ETV4: variants seen among roughly 807,000 people sequenced by gnomAD.
ETV4 encodes ETS variant transcription factor 4.
A neutral mutation model predicts 65.9 loss-of-function variants in ETV4; 42 were observed. The ratio of observed to expected loss-of-function variants is 0.64; its 90% CI spans 0.50 to 0.82. The LOEUF (loss-of-function observed/expected upper bound fraction) is 0.82, where lower values mean the gene tolerates loss of function less well. ETV4 is among the 40% of genes least tolerant of loss of function. The pLI is 0.00. For missense variants in ETV4, 583 were observed against 630.3 expected (o/e 0.92, Z 0.80); for synonymous variants, 238 against 260.0 (o/e 0.92, Z 0.81).
chr17:43,530,448 C>T, intron 8 of ETV4: 1 of 1,358,386 alleles, frequency 7.4e-7, no homozygotes, highest in African/African-American at 1.5e-5. Flanking sequence ...TTCTGAAGGG[C>T]CCAAGCTGCC....
chr17:43,545,304 G>A lies in ETV4; in HGVS notation c.124C>T (p.Pro42Ser). 5.6e-6 allele frequency: 9 copies of A among 1,609,394 alleles called. No individual in the cohort carries two copies. The highest frequency in any genetic ancestry group is 7.6e-6 in the Non-Finnish European group (9 of 1,177,920). Residue 42 changes from proline to serine, a missense_variant, in exon 3 of 13, where the codon CCG (proline) becomes TCG (serine). Physicochemically the swap from Pro to Ser is moderately conservative, Grantham distance 74. Transcript: ENST00000319349. ...LIGPLGKLMDPGSLPPLDSED... is the reference protein window; with the variant it reads ...LIGPLGKLMDSGSLPPLDSED... ...GAGTCGAGGGGCGGCAGGGAGCCCG[G>A]GTCCATGAGCTTCCCCAGCGGGCCG...
In ETV4 at chr17:43,529,312, C is replaced by G; in HGVS notation, c.1129-76G>C. The stretch of plus-strand genomic sequence containing the variant: ...AATGGGGGTAAGGTCAGAAAGAGCA[C>G]TTGAGATTCTTGGTGCAAAGTGCCA... On this transcript the variant is annotated intron_variant, in intron 11 of 12. Transcript: ENST00000319349. 3 of 1,480,064 alleles carry G rather than the reference C, an allele frequency of 2.0e-6. No individual in the cohort carries two copies. In the Admixed American group the frequency reaches 5.1e-5, roughly 25 times the overall value. 91.7% of individuals were successfully genotyped at this position (1,480,064 alleles called of 1,614,324 possible).
chr17:43,536,982 CAG>C (rs1971276100), intron 4 of ETV4, among the ~76,000 whole-genome samples: 2 of 152,330 alleles, frequency 1.3e-5, no homozygotes, highest in Non-Finnish European at 2.9e-5. Flanking sequence ...CCTCGCCCCT[CAG>C]AGTTTACAAA....
chr17:43,541,038 G>A (rs1971495261), intron 4 of ETV4, among the ~76,000 whole-genome samples: 1 of 152,048 alleles, frequency 6.6e-6, no homozygotes, highest in African/African-American at 2.4e-5. Context: ...TCCTGCCTCG[G>A]GCCTGACAGT....
In ETV4 at chr17:43,529,681, G is replaced by GACAACGCA; in HGVS notation, c.956-6_956-5insTGCGTTGT. On this transcript the variant is annotated splice_polypyrimidine_tract_variant and splice_region_variant and intron_variant, in intron 10 of 12. Coordinates refer to ENST00000319349, the MANE Select transcript of ETV4 (RefSeq NM_001079675.5). ...CCCCTTCCTGCTTGATGTCTCCTGG[G>GACAACGCA]GAACACGAAAATAGGAGGTGTGGGG... is the stretch of plus-strand genomic sequence containing the variant. 6.2e-7 allele frequency: 1 copy of GACAACGCA among 1,605,000 alleles called. No individual in the cohort carries two copies. The highest frequency in any genetic ancestry group is 1.3e-5 in the African/African-American group (1 of 74,660).
At chr17:43,539,760 G>A (rs1265393186) in intron 4 of ETV4, among the ~76,000 whole-genome samples, 1 of 152,176 alleles carries the variant, frequency 6.6e-6, no homozygotes, top group African/African-American at 2.4e-5. Context: ...AACACTAGAG[G>A]CAGGTCCTCT....
At chr17:43,530,085 A>G in intron 9 of ETV4, 22 bp downstream of exon 9, 1 of 1,607,472 alleles carries the variant, frequency 6.2e-7, no homozygotes, top group Non-Finnish European at 8.5e-7. Flanking sequence ...AGGGCTTGGC[A>G]GGGGAAGGGG....
intron 8 of ETV4, among the ~76,000 whole-genome samples, chr17:43,530,947 A>G (rs886294841): frequency 6.6e-6 from 1 of 152,152 alleles, no homozygotes; most frequent in Non-Finnish European, 1.5e-5. Flanking sequence ...GACTCCATTC[A>G]GGAGTAGCTG....
intron 6 of ETV4, 113 bp downstream of exon 6, chr17:43,533,746 C>A: frequency 1.5e-6 from 2 of 1,376,718 alleles, no homozygotes; most frequent in South Asian, 2.7e-5. Flanking sequence ...GCTAGAAAAT[C>A]CTTTCTGTTG....
chr17:43,545,706 G>T, intron 1 of ETV4, 38 bp from the exon 2 acceptor site: 1 of 1,179,238 alleles, frequency 8.5e-7, no homozygotes, highest in Non-Finnish European at 1.2e-6. Flanking sequence ...CACCGTCCAG[G>T]GAGGGCTGCG....
At position 43,529,898 on chromosome 17, in the gene ETV4, G is replaced by C; in HGVS notation, c.941C>G (p.Pro314Arg). 6.2e-7 allele frequency: 1 copy of C among 1,614,178 alleles called. No individual in the cohort carries two copies. The highest frequency in any genetic ancestry group is 8.5e-7 in the Non-Finnish European group (1 of 1,180,028). Residue 314 changes from proline (P) to arginine (R), a missense_variant, in exon 10 of 13, where the codon CCT (proline) becomes CGT (arginine). Physicochemically the swap from Pro to Arg is moderately radical, Grantham distance 103. Coordinates refer to ENST00000319349, the MANE Select transcript of ETV4 (RefSeq NM_001079675.5). Reference sequence around the variant, plus strand: ...ACTTCTCTGACCTTCAAATTTCTCAGGGACAACGCAGACATCATCTGGGAA... The same window carrying C: ...ACTTCTCTGACCTTCAAATTTCTCACGGACAACGCAGACATCATCTGGGAA... The part of the protein sequence containing the change: ...RPFPDDVCVV[P>R]EKFEGDIKQE...
chr17:43,539,514 G>C (rs1392979498), intron 4 of ETV4, among the ~76,000 whole-genome samples: 1 of 152,238 alleles, frequency 6.6e-6, no homozygotes, highest in Non-Finnish European at 1.5e-5. Flanking sequence ...CCACCAGGAA[G>C]TTAAGCTCTG....
intron 4 of ETV4, among the ~76,000 whole-genome samples, chr17:43,541,600 T>A (rs1333006666): frequency 1.3e-5 from 2 of 151,480 alleles, no homozygotes; most frequent in Admixed American, 6.6e-5. Context: ...AACTGAGAGG[T>A]TAAAACAGAG....
chr17:43,532,711 C>T lies in ETV4; in HGVS notation c.774G>A (p.Val258=), dbSNP rs1315172985. The T allele has an allele frequency of 1.9e-6, 3 of 1,613,724 alleles. No individual in the cohort carries two copies. The highest frequency in any genetic ancestry group is 2.5e-6 in the Non-Finnish European group (3 of 1,179,798). ...NGHRYPGAGV[V]IKQEQTDFAY... ...CGAAGTCCGTCTGTTCCTGTTTGAT[C>T]ACCACCCCCGCCCCTGGGTACCTGT... The change falls in exon 8 of 13, where the codon GTG becomes GTA. Residue 258 remains valine (V), a synonymous_variant. Transcript: ENST00000319349.
rs1366304968 is a variant in ETV4 at position 43,529,234 on chromosome 17, G to A, written c.1131C>T (p.Val377=). The stretch of plus-strand genomic sequence containing the variant: ...TCTTCTGGATGCCCCAGAGCCTGGC[G>A]ACCTGGGAACAAAACAGTTTTGGGG... ...MEFKLIEPEE[V]ARLWGIQKNR... is the part of the protein sequence containing the mutation. Residue 377 remains valine (V), a splice_region_variant and synonymous_variant, in exon 12 of 13, where the codon GTC becomes GTT. Transcript: ENST00000319349. The A allele has an allele frequency of 1.1e-5, 17 of 1,613,812 alleles. No individual in the cohort carries two copies. Among genetic ancestry groups the A allele is most frequent in the South Asian group, 2.2e-5 (2 of 91,080 alleles).
intron 10 of ETV4, 32 bp from the exon 11 acceptor site, chr17:43,529,708 TTG>T (rs775354861): frequency 6.3e-7 from 1 of 1,595,954 alleles, no homozygotes; most frequent in South Asian, 1.1e-5. Flanking sequence ...GGTGTGGGGT[TTG>T]TGTCTTTTGG....
At position 43,532,659 on chromosome 17, in the gene ETV4, A is replaced by AC; in HGVS notation, c.811+14dup. ...ACTTGATCACATGCCACCCTGCCCC[A>AC]CCCCAGTCTCTTACCTGAGTCGTAG... is the stretch of plus-strand genomic sequence containing the variant. On this transcript the variant is annotated intron_variant, in intron 8 of 12. Transcript: ENST00000319349. 1 of 1,604,396 alleles carries AC rather than the reference A, an allele frequency of 6.2e-7. No individual in the cohort carries two copies. The highest frequency in any genetic ancestry group is 8.5e-7 in the Non-Finnish European group (1 of 1,173,234).
intron 8 of ETV4, 66 bp from the exon 9 acceptor site, chr17:43,530,247 A>C: frequency 6.5e-7 from 1 of 1,549,240 alleles, no homozygotes; most frequent in Admixed American, 2.0e-5. Flanking sequence ...GGGGAGGAGG[A>C]AGTCCTATCC....
intron 4 of ETV4, among the ~76,000 whole-genome samples, chr17:43,541,395 A>T (rs1971513555): frequency 6.6e-6 from 1 of 152,214 alleles, no homozygotes; most frequent in Admixed American, 6.5e-5. Context: ...GTCTGTCCCC[A>T]GCTCCATCCC....
Sources: allele counts gnomAD v4.1 joint callset (sites outside exome capture counted in the v4.1 genomes callset), GRCh38; gene constraint gnomAD v4.1.1; transcripts MANE v1.5; gene names NCBI Gene and HGNC (gene_info 2026-07-23, HGNC 2026-07-21).